Variants in CTNNA3 observed in about 807,000 individuals in gnomAD.
CTNNA3 encodes the protein catenin alpha-3.
CTNNA3 carries 76 observed loss-of-function variants against 95.7 expected under a neutral mutation model. The ratio of observed to expected loss-of-function variants is 0.79; its 90% CI spans 0.66 to 0.96. The LOEUF (loss-of-function observed/expected upper bound fraction) is 0.96, where lower values mean the gene tolerates loss of function less well. Ranked by LOEUF, CTNNA3 falls within the 40% of genes least tolerant of loss-of-function variation. CTNNA3 has a pLI of 0.00. For synonymous variants in CTNNA3, 431 were observed against 374.4 expected (o/e 1.15, Z -1.74); for missense variants, 1,191 against 1,089.8 (o/e 1.09, Z -1.31).
intron 7 of CTNNA3, 87 bp downstream of exon 7, chr10:67,180,230 C>T: frequency 1.8e-6 from 2 of 1,110,880 alleles, no homozygotes; most frequent in African/African-American, 1.5e-5. Context: ...GTAATTTACC[C>T]TATTTTGTAT....
chr10:66,296,449 G>A (rs1274730062), intron 12 of CTNNA3, among the ~76,000 whole-genome samples: 2 of 152,006 alleles, frequency 1.3e-5, no homozygotes, highest in East Asian at 1.9e-4. Context: ...CACATAGCAA[G>A]ATCTCTTTAA....
chr10:66,214,595 T>C (rs1033809945), intron 13 of CTNNA3, among the ~76,000 whole-genome samples: 1 of 151,972 alleles, frequency 6.6e-6, no homozygotes, highest in Non-Finnish European at 1.5e-5. Flanking sequence ...ATTTTCTACA[T>C]AAGGCTTATA....
At chr10:65,929,400 G>A (rs1439709947) in intron 17 of CTNNA3, among the ~76,000 whole-genome samples, 1 of 152,016 alleles carries the variant, frequency 6.6e-6, no homozygotes, top group Non-Finnish European at 1.5e-5. Flanking sequence ...TAAATACAAA[G>A]CCTGGGGAGA....
At position 67,630,181 on chromosome 10, in the gene CTNNA3, A is replaced by G. The variant is rs1839095351; in HGVS notation, c.99+17234T>C. Among the ~76,000 whole-genome samples, 4 of 152,190 alleles carry G rather than the reference A, an allele frequency of 2.6e-5. No individual in the cohort carries two copies. In the South Asian group the frequency reaches 8.3e-4, roughly 32 times the overall value. ...TTAACAAAAGGAACCCCTAAAAAGA[A>G]GGCAAAGGGAATGTAATAGTTATTA... On this transcript the variant is annotated intron_variant, in intron 2 of 17. Coordinates refer to ENST00000433211, the MANE Select transcript of CTNNA3 (RefSeq NM_013266.4).
intron 7 of CTNNA3, among the ~76,000 whole-genome samples, chr10:67,135,809 GT>G (rs1424051616): frequency 6.6e-6 from 1 of 152,146 alleles, no homozygotes; most frequent in East Asian, 1.9e-4. Flanking sequence ...AAATATCTCA[GT>G]TTTCCTTATA....
At chr10:67,405,827 A>G (rs1231502098) in intron 5 of CTNNA3, among the ~76,000 whole-genome samples, 5 of 152,330 alleles carry the variant, frequency 3.3e-5, no homozygotes, top group Admixed American at 2.6e-4. Context: ...AGCAAATGTA[A>G]AAGAACTGAA....
At chr10:66,706,769 A>AG (rs1848132081) in intron 9 of CTNNA3, among the ~76,000 whole-genome samples, 1 of 152,054 alleles carries the variant, frequency 6.6e-6, no homozygotes. Context: ...GAAAAGGGGG[A>AG]GGGGGTCACA....
rs1357549840 is a variant in CTNNA3, at chr10:66,188,593, C to CTGAGTGTG, written c.1885-85345_1885-85344insCACACTCA. Among the ~76,000 whole-genome samples, 5 of 104,548 alleles carry CTGAGTGTG rather than the reference C, an allele frequency of 4.8e-5. No individual in the cohort carries two copies. In the South Asian group the frequency reaches 1.5e-3, roughly 31 times the overall value. The allele number at this position is 104,548 out of a possible 152,430, so 68.6% of individuals were successfully genotyped here. A position where few individuals can be genotyped will look rare whatever the true frequency, so the allele number is the denominator to read the frequency against. On this transcript the variant is annotated intron_variant, in intron 13 of 17. Transcript: ENST00000433211. ...GTGTGTGTGTGGGGGGAGGGGGGGTCTCTGTGTGTGTGTGTGTGTGTGTGT... is the reference window on the plus strand; with the variant it reads ...GTGTGTGTGTGGGGGGAGGGGGGGTCTGAGTGTGTCTGTGTGTGTGTGTGTGTGTGTGT...
chr10:66,018,660 CAATT>C (rs2133415934), intron 15 of CTNNA3, among the ~76,000 whole-genome samples: 1 of 152,102 alleles, frequency 6.6e-6, no homozygotes, highest in Non-Finnish European at 1.5e-5. Context: ...AGAGAATAAT[CAATT>C]GTTTCTCAAA....
intron 1 of CTNNA3, among the ~76,000 whole-genome samples, chr10:67,685,357 G>A (rs184775981): frequency 1.3e-5 from 2 of 152,324 alleles, no homozygotes; most frequent in South Asian, 2.1e-4. Flanking sequence ...CATTTAAGCA[G>A]ACCAATTATT....
intron 3 of CTNNA3, among the ~76,000 whole-genome samples, chr10:67,603,463 C>T (rs1486915167): frequency 1.3e-5 from 2 of 151,950 alleles, no homozygotes; most frequent in African/African-American, 2.4e-5. Flanking sequence ...AATTCCCATG[C>T]GTGTTATTGC....
intron 13 of CTNNA3, among the ~76,000 whole-genome samples, chr10:66,194,981 AC>A (rs1482419829): frequency 5.3e-5 from 8 of 152,230 alleles, no homozygotes; most frequent in African/African-American, 1.9e-4. Flanking sequence ...TGTATGAAGT[AC>A]AACCGAGGAT....
chr10:66,060,294 T>C (rs533764500), intron 15 of CTNNA3, among the ~76,000 whole-genome samples: 2 of 152,100 alleles, frequency 1.3e-5, no homozygotes, highest in African/African-American at 2.4e-5. Flanking sequence ...AAAAATAATA[T>C]CTAATCTAAT....
Position 67,620,923 on chromosome 10 carries a change from G to GTGTATATATATATA in CTNNA3, c.100-13875_100-13874insTATATATATATACA, listed in dbSNP as rs1402402526. 7.6e-4 allele frequency among the ~76,000 whole-genome samples: 94 copies of GTGTATATATATATA among 123,828 alleles called. 1 individual carries two copies. The highest frequency in any genetic ancestry group is 2.0e-3 in the South Asian group (8 of 3,914). 81.2% of individuals were successfully genotyped at this position (123,828 alleles called of 152,430 possible). ...TGTATATGTGTGTGTGTGTGTGTGT[G>GTGTATATATATATA]TATATATATATATATATATATATAT... On this transcript the variant is annotated intron_variant, in intron 2 of 17. Transcript: ENST00000433211.
At chr10:67,104,226 T>A (rs1858500320) in intron 7 of CTNNA3, among the ~76,000 whole-genome samples, 1 of 151,786 alleles carries the variant, frequency 6.6e-6, no homozygotes, top group Non-Finnish European at 1.5e-5. Context: ...AAAACACCAA[T>A]AATCTACAGT....
At chr10:67,681,493 T>G (rs550441257) in intron 1 of CTNNA3, among the ~76,000 whole-genome samples, 91 of 152,202 alleles carry the variant, frequency 6.0e-4, no homozygotes, top group Non-Finnish European at 1.1e-3. Context: ...TAAAGCTTAC[T>G]CCCTGCTCAC....
chr10:67,085,785 C>G (rs373047805), intron 7 of CTNNA3, among the ~76,000 whole-genome samples: 2 of 151,960 alleles, frequency 1.3e-5, no homozygotes, highest in African/African-American at 4.8e-5. Flanking sequence ...TTTACTAATA[C>G]GCAAGCCTGC....
chr10:67,524,552 A>C (rs546320110), intron 4 of CTNNA3, among the ~76,000 whole-genome samples: 38 of 152,314 alleles, frequency 2.5e-4, no homozygotes, highest in African/African-American at 9.1e-4. Context: ...GACTTTGTAT[A>C]ATATGGAGAT....
At chr10:66,640,831 C>G (rs2132378051) in intron 9 of CTNNA3, among the ~76,000 whole-genome samples, 1 of 152,108 alleles carries the variant, frequency 6.6e-6, no homozygotes, top group Admixed American at 6.5e-5. Context: ...AGACAAAATA[C>G]CAAGAGGGCA....
Sources: gnomAD v4.1 joint callset for allele counts (sites outside exome capture counted in the v4.1 genomes callset) on GRCh38, gnomAD v4.1.1 for gene constraint, MANE v1.5 for transcripts, NCBI Gene and HGNC (gene_info 2026-07-23, HGNC 2026-07-21) for gene names.